Variants in TYW1 observed in about 807,000 individuals in gnomAD.
TYW1 encodes the protein tRNA-yW synthesizing protein 1 homolog.
In TYW1, 46 loss-of-function variants were observed where a neutral mutation model predicts 96.2. The ratio of observed to expected loss-of-function variants is 0.48; its 90% CI spans 0.38 to 0.61. TYW1 has a LOEUF of 0.61. TYW1 is among the 20% of genes least tolerant of loss of function. The probability of loss-of-function intolerance (pLI) is 0.00; values close to 1 mark genes in which losing one functional copy is unlikely to be tolerated. For synonymous variants in TYW1, 274 were observed against 323.0 expected, an observed-to-expected ratio of 0.85 and a Z score of 1.63; for missense variants, 684 against 909.6, an observed-to-expected ratio of 0.75 and a Z score of 3.19.
chr7:67,160,742 C>T (rs1334835019), intron 13 of TYW1, among the ~76,000 whole-genome samples: 3 of 151,472 alleles, frequency 2.0e-5, no homozygotes, highest in African/African-American at 7.3e-5. Context: ...TAGGTGCCTG[C>T]CACCATGCCC....
intron 9 of TYW1, among the ~76,000 whole-genome samples, chr7:67,064,853 G>GA (rs1202530880): frequency 6.6e-6 from 1 of 151,954 alleles, no homozygotes; most frequent in African/African-American, 2.4e-5. Flanking sequence ...AAAACCAACA[G>GA]AAAAAAATAA....
At chr7:67,103,893 A>G (rs980953565) in intron 12 of TYW1, among the ~76,000 whole-genome samples, 2 of 152,230 alleles carry the variant, frequency 1.3e-5, no homozygotes, top group African/African-American at 4.8e-5. Context: ...AGAAGAGAGA[A>G]ACAAGAAGGG....
intron 15 of TYW1, among the ~76,000 whole-genome samples, chr7:67,229,556 A>G (rs1801679966): frequency 6.6e-6 from 1 of 152,008 alleles, no homozygotes; most frequent in African/African-American, 2.4e-5. Context: ...AAAAAATTGG[A>G]ATATACACTG....
At chr7:67,009,844 A>C (rs1793730981) in intron 4 of TYW1, 160 bp downstream of exon 4, 2 of 701,504 alleles carry the variant, frequency 2.9e-6, no homozygotes, top group African/African-American at 3.7e-5. Flanking sequence ...AGAGAATTGA[A>C]TGTGGGGTAA....
chr7:67,188,206 G>T (rs1350383329), intron 14 of TYW1, among the ~76,000 whole-genome samples: 3 of 152,104 alleles, frequency 2.0e-5, no homozygotes, highest in African/African-American at 7.2e-5. Context: ...TATAATCCCA[G>T]CTACTCGGGA....
chr7:67,003,158 A>G (rs1477747865), intron 3 of TYW1, among the ~76,000 whole-genome samples: 1 of 152,212 alleles, frequency 6.6e-6, no homozygotes, highest in African/African-American at 2.4e-5. Context: ...ATGAATGTCT[A>G]GTAAGCATCT....
intron 13 of TYW1, among the ~76,000 whole-genome samples, chr7:67,139,481 A>G (rs1798372435): frequency 6.6e-6 from 1 of 152,186 alleles, no homozygotes; most frequent in Non-Finnish European, 1.5e-5. Flanking sequence ...ATATGTACAT[A>G]TATGCTGTTG....
At chr7:67,066,193 C>T (rs1584519131) in intron 9 of TYW1, among the ~76,000 whole-genome samples, 1 of 152,146 alleles carries the variant, frequency 6.6e-6, no homozygotes, top group African/African-American at 2.4e-5. Context: ...TGGGGAATGA[C>T]ATTGATTTCA....
In TYW1 at chr7:67,239,491, TAATAA is replaced by T. The variant is rs1466228585; in HGVS notation, c.*968_*972del. ...ACAGTCTTTTATGCAAAAATTGAAT[TAATAA>T]AATAATCTTTTGTAAAGACTTGCAG... On this transcript the variant is annotated 3_prime_UTR_variant, in exon 16 of 16. Transcript: ENST00000359626. 2.5e-6 allele frequency: 2 copies of T among 796,612 alleles called. No individual in the cohort carries two copies. The highest frequency in any genetic ancestry group is 6.3e-5 in the Admixed American group (1 of 15,996). The allele number at this position is 796,612 out of a possible 1,614,324, so 49.3% of individuals were successfully genotyped here. A position where few individuals can be genotyped will look rare whatever the true frequency, so the allele number is the denominator to read the frequency against.
chr7:67,181,114 G>C (rs60512609), intron 13 of TYW1, among the ~76,000 whole-genome samples: 1 of 152,050 alleles, frequency 6.6e-6, no homozygotes, highest in Non-Finnish European at 1.5e-5. Flanking sequence ...AACTATATCA[G>C]ATACCTTTGG....
intron 13 of TYW1, among the ~76,000 whole-genome samples, chr7:67,136,681 GTGTGTATA>G (rs1394885063): frequency 1.5e-4 from 20 of 129,524 alleles, no homozygotes; most frequent in African/African-American, 5.0e-4. Flanking sequence ...GTGTGTGTGT[GTGTGTATA>G]TATATATATG....
intron 10 of TYW1, among the ~76,000 whole-genome samples, chr7:67,080,286 T>C (rs1796339720): frequency 6.6e-6 from 1 of 152,218 alleles, no homozygotes. Context: ...AGTTGTTAGA[T>C]CCTCTTGCTG....
chr7:67,049,780 C>G (rs1795300747), intron 7 of TYW1, among the ~76,000 whole-genome samples, 169 bp from the exon 8 acceptor site: 1 of 152,188 alleles, frequency 6.6e-6, no homozygotes, highest in Non-Finnish European at 1.5e-5. Flanking sequence ...CTCCTGACCT[C>G]AGGTGATCCG....
At chr7:67,228,502 A>G (rs1801638133) in intron 15 of TYW1, among the ~76,000 whole-genome samples, 1 of 152,220 alleles carries the variant, frequency 6.6e-6, no homozygotes, top group Non-Finnish European at 1.5e-5. Context: ...AAACACAGCC[A>G]AACCATATCA....
chr7:67,094,043 T>C (rs1384451293), intron 11 of TYW1, among the ~76,000 whole-genome samples: 2 of 152,112 alleles, frequency 1.3e-5, no homozygotes, highest in African/African-American at 4.8e-5. Flanking sequence ...ATTTCCATCT[T>C]TAGGTCCGTG....
chr7:67,223,245 C>A (rs905031655), intron 15 of TYW1, among the ~76,000 whole-genome samples: 1 of 152,034 alleles, frequency 6.6e-6, no homozygotes, highest in Non-Finnish European at 1.5e-5. Flanking sequence ...TCTTTGTGTG[C>A]CTTGTGATTT....
intron 13 of TYW1, among the ~76,000 whole-genome samples, chr7:67,135,682 G>C (rs1197094078): frequency 6.6e-6 from 1 of 151,510 alleles, no homozygotes; most frequent in South Asian, 2.1e-4. Flanking sequence ...GTAAATAAAG[G>C]ATCTGCTCAC....
At chr7:67,135,052 C>T (rs1251277209) in intron 13 of TYW1, among the ~76,000 whole-genome samples, 1 of 151,450 alleles carries the variant, frequency 6.6e-6, no homozygotes, top group Non-Finnish European at 1.5e-5. Flanking sequence ...GCTCAAGAGG[C>T]CAAGGCTGCA....
chr7:67,083,386 C>A (rs1236289166), intron 10 of TYW1, 44 bp from the exon 11 acceptor site: 1 of 1,590,770 alleles, frequency 6.3e-7, no homozygotes, highest in Non-Finnish European at 8.6e-7. Context: ...TAGCCCAGAT[C>A]TTATTACAGA....
Sources: gnomAD v4.1 joint callset for allele counts (sites outside exome capture counted in the v4.1 genomes callset) on GRCh38, gnomAD v4.1.1 for gene constraint, MANE v1.5 for transcripts, NCBI Gene and HGNC (gene_info 2026-07-23, HGNC 2026-07-21) for gene names.